Variants in ADCY2 observed in about 807,000 individuals in gnomAD.
ADCY2 encodes adenylate cyclase type 2.
Under a neutral mutation model 125.2 loss-of-function variants are expected in ADCY2, and 31 were observed. The observed-to-expected ratio is 0.25, with a 90% CI of 0.19 to 0.33. The LOEUF (loss-of-function observed/expected upper bound fraction) is 0.33. ADCY2 is among the 10% of genes least tolerant of loss of function. The probability of loss-of-function intolerance (pLI) is 1.00; values close to 1 mark genes in which losing one functional copy is unlikely to be tolerated. For synonymous variants in ADCY2, 512 were observed against 548.4 expected (o/e 0.93, Z 0.93); for missense variants, 904 against 1,418.2 (o/e 0.64, Z 5.82).
At chr5:7,517,505 C>G (rs1438776782) in intron 2 of ADCY2, among the ~76,000 whole-genome samples, 1 of 152,182 alleles carries the variant, frequency 6.6e-6, no homozygotes, top group Admixed American at 6.5e-5. Context: ...AGAACATTCT[C>G]CCTATGGGAC....
At chr5:7,757,715 C>A in intron 16 of ADCY2, 129 bp downstream of exon 16, 1 of 1,327,434 alleles carries the variant, frequency 7.5e-7, no homozygotes, top group Non-Finnish European at 1.0e-6. Flanking sequence ...GTTCAACATG[C>A]TCAGCCCCGG....
At chr5:7,762,471 G>T (rs1302595538) in intron 16 of ADCY2, among the ~76,000 whole-genome samples, 1 of 152,238 alleles carries the variant, frequency 6.6e-6, no homozygotes, top group Non-Finnish European at 1.5e-5. Flanking sequence ...TGCTGATGCA[G>T]CACTCAGACT....
rs1256512913 is a variant in ADCY2 at position 7,520,634 on chromosome 5, C to T, written c.409-104C>T. 1.2e-5 allele frequency: 15 copies of T among 1,244,766 alleles called. No individual in the cohort carries two copies. The South Asian group carries it at 1.4e-4, about 12-fold the overall frequency. 77.1% of individuals were successfully genotyped at this position (1,244,766 alleles called of 1,614,324 possible). On this transcript the variant is annotated intron_variant, in intron 2 of 24. Transcript: ENST00000338316. The stretch of plus-strand genomic sequence containing the variant: ...GTCTATAGATTATTTCTAAAATGAG[C>T]ATGTCTCATGCTGTTCTATGCAGCC...
intron 20 of ADCY2, 61 bp downstream of exon 20, chr5:7,789,861 G>A (rs1167391732): frequency 5.1e-6 from 7 of 1,361,418 alleles, no homozygotes; most frequent in Non-Finnish European, 5.9e-6. Context: ...ACCTGGGTGA[G>A]GGCTGAAAGC....
At chr5:7,487,136 G>C (rs116439692) in intron 2 of ADCY2, among the ~76,000 whole-genome samples, 1 of 152,186 alleles carries the variant, frequency 6.6e-6, no homozygotes, top group Non-Finnish European at 1.5e-5. Context: ...GGGCCTTCAG[G>C]AAAGTATTAT....
chr5:7,439,008 A>G (rs1398564609), intron 2 of ADCY2, among the ~76,000 whole-genome samples: 1 of 152,172 alleles, frequency 6.6e-6, no homozygotes, highest in Non-Finnish European at 1.5e-5. Context: ...TCTCCCACCA[A>G]TGCTGCAAAA....
At chr5:7,581,291 T>C (rs1736422645) in intron 3 of ADCY2, among the ~76,000 whole-genome samples, 1 of 151,926 alleles carries the variant, frequency 6.6e-6, no homozygotes, top group Admixed American at 6.5e-5. Flanking sequence ...ATATAGTGTA[T>C]GTGTACACAC....
At chr5:7,418,255 G>A (rs1360274564) in intron 2 of ADCY2, among the ~76,000 whole-genome samples, 6 of 152,014 alleles carry the variant, frequency 3.9e-5, no homozygotes, top group Non-Finnish European at 5.9e-5. Context: ...TCTTTCCCAC[G>A]CCACTGGGGC....
chr5:7,767,605 A>G (rs967120886), intron 17 of ADCY2, among the ~76,000 whole-genome samples: 4 of 152,206 alleles, frequency 2.6e-5, no homozygotes, highest in Non-Finnish European at 5.9e-5. Flanking sequence ...TAACTCCGTT[A>G]GCTTTGGCAA....
intron 11 of ADCY2, among the ~76,000 whole-genome samples, chr5:7,715,067 T>C (rs1027405190): frequency 3.9e-5 from 6 of 152,200 alleles, no homozygotes; most frequent in Admixed American, 3.9e-4. Context: ...GAGAGAGTCC[T>C]GGAGGCAAAT....
At chr5:7,750,043 C>T (rs1281372596) in intron 15 of ADCY2, among the ~76,000 whole-genome samples, 1 of 152,214 alleles carries the variant, frequency 6.6e-6, no homozygotes, top group Non-Finnish European at 1.5e-5. Context: ...CTCTGGTGAA[C>T]AGCATGTAGC....
chr5:7,610,295 A>G (rs977370549), intron 3 of ADCY2, among the ~76,000 whole-genome samples: 4 of 152,156 alleles, frequency 2.6e-5, no homozygotes, highest in East Asian at 1.9e-4. Flanking sequence ...AATTAAGGCA[A>G]TGGATTCAGT....
At chr5:7,525,918 C>T (rs1159048778) in intron 3 of ADCY2, among the ~76,000 whole-genome samples, 1 of 152,208 alleles carries the variant, frequency 6.6e-6, no homozygotes, top group Admixed American at 6.5e-5. Flanking sequence ...GGCTCCTGCT[C>T]TGATCCCTGT....
At chr5:7,710,527 A>G (rs1741406636) in intron 10 of ADCY2, among the ~76,000 whole-genome samples, 1 of 151,964 alleles carries the variant, frequency 6.6e-6, no homozygotes, top group Admixed American at 6.6e-5. Flanking sequence ...TCAGAGGGAG[A>G]AATGAGTGAA....
chr5:7,424,779 G>A (rs1457744290), intron 2 of ADCY2, among the ~76,000 whole-genome samples: 3 of 152,190 alleles, frequency 2.0e-5, no homozygotes, highest in Non-Finnish European at 4.4e-5. Context: ...GTATGTATTA[G>A]GCAGCATTAC....
rs949591779 is a variant in ADCY2 at position 7,802,475 on chromosome 5, A to C, written c.2775+111A>C. The C allele has an allele frequency of 7.9e-7, 1 of 1,273,658 alleles. No individual in the cohort carries two copies. The highest frequency in any genetic ancestry group is 1.5e-5 in the African/African-American group (1 of 66,780). The allele number at this position is 1,273,658 out of a possible 1,614,324, so 78.9% of individuals were successfully genotyped here. A position where few individuals can be genotyped will look rare whatever the true frequency, so the allele number is the denominator to read the frequency against. ...ATCCCAAAAAAACTTGTCCTTTGGC[A>C]TAATTTCTGGCAGATGGCATTAAAG... On this transcript the variant is annotated intron_variant, in intron 21 of 24. Coordinates refer to ENST00000338316, the MANE Select transcript of ADCY2 (RefSeq NM_020546.3). The surrounding 1 kb of genome is among the most constrained non-coding windows in gnomAD (Gnocchi z 4.6).
At chr5:7,502,475 C>A in intron 2 of ADCY2, among the ~76,000 whole-genome samples, 1 of 152,222 alleles carries the variant, frequency 6.6e-6, no homozygotes, top group East Asian at 1.9e-4. Flanking sequence ...GACAGAGAGG[C>A]AGGCTTCAGG....
chr5:7,540,627 C>T (rs1412263198), intron 3 of ADCY2, among the ~76,000 whole-genome samples: 1 of 152,128 alleles, frequency 6.6e-6, no homozygotes, highest in Non-Finnish European at 1.5e-5. Context: ...TAAATATTTC[C>T]CCAAAGAGTC....
At chr5:7,701,648 C>T (rs1049515862) in intron 7 of ADCY2, among the ~76,000 whole-genome samples, 1 of 152,146 alleles carries the variant, frequency 6.6e-6, no homozygotes, top group Non-Finnish European at 1.5e-5. Context: ...GCAGTAACTC[C>T]CAATTACCCC....
Sources: gnomAD v4.1 joint callset for allele counts (sites outside exome capture counted in the v4.1 genomes callset) on GRCh38, gnomAD v4.1.1 for gene constraint, Gnocchi (gnomAD v3.1) non-coding constraint, MANE v1.5 for transcripts, NCBI Gene and HGNC (gene_info 2026-07-23, HGNC 2026-07-21) for gene names.